The following GRAMD2A variants were observed in gnomAD, a reference collection of about 807,000 sequenced individuals.
GRAMD2A encodes GRAM domain containing 2A.
A neutral mutation model predicts 51.1 loss-of-function variants in GRAMD2A; 37 were observed. The observed-to-expected ratio is 0.72, with a 90% CI of 0.56 to 0.95. The LOEUF is 0.95. Among genes scored for constraint, GRAMD2A ranks in the 40% least tolerant of loss-of-function variants. The pLI is 0.00. For synonymous variants in GRAMD2A, 136 were observed against 157.1 expected, an observed-to-expected ratio of 0.87 and a Z score of 1.01; for missense variants, 414 against 426.9, an observed-to-expected ratio of 0.97 and a Z score of 0.27.
chr15:72,184,500 A>T lies in GRAMD2A; in HGVS notation c.41+13231T>A, dbSNP rs892907904. Among the ~76,000 whole-genome samples the T allele has an allele frequency of 3.3e-5, 5 of 152,190 alleles. No homozygotes were observed. In the South Asian group the frequency reaches 8.3e-4, roughly 25 times the overall value. On this transcript the variant is annotated intron_variant, in intron 1 of 11. Coordinates refer to ENST00000309731, the MANE Select transcript of GRAMD2A (RefSeq NM_001012642.3). Reference sequence around the variant, plus strand: ...GGGAAAAGGAGCGCGCGCCCCTCTGAGCCCCTTCCTGGTGCAGTGCGTGTA... The same window carrying T: ...GGGAAAAGGAGCGCGCGCCCCTCTGTGCCCCTTCCTGGTGCAGTGCGTGTA...
intron 1 of GRAMD2A, among the ~76,000 whole-genome samples, chr15:72,178,633 T>A (rs2081672986): frequency 7.0e-6 from 1 of 141,914 alleles, no homozygotes; most frequent in South Asian, 2.3e-4. Context: ...TGGAGTGCAG[T>A]GGCGCAATCT....
intron 1 of GRAMD2A, among the ~76,000 whole-genome samples, chr15:72,173,410 C>G (rs899532087): frequency 9.2e-5 from 14 of 152,146 alleles, no homozygotes; most frequent in Non-Finnish European, 1.5e-5. Context: ...TCACTCACAG[C>G]ACCCTGATCG....
In GRAMD2A at chr15:72,167,715, GCC is replaced by G. The variant is rs2081563560; in HGVS notation, c.372+19_372+20del. On this transcript the variant is annotated intron_variant, in intron 5 of 11. Transcript: ENST00000309731. ...TGGCTCCCCTCACAGGGTCATGGCA[GCC>G]CTCACCACTCATTACTACCTTGATA... is the stretch of plus-strand genomic sequence containing the variant. 1 of 1,568,176 alleles carries G rather than the reference GCC, an allele frequency of 6.4e-7. No individual in the cohort carries two copies. The highest frequency in any genetic ancestry group is 1.4e-5 in the African/African-American group (1 of 73,994).
chr15:72,168,702 A>G (rs535671337), intron 3 of GRAMD2A, 136 bp from the exon 4 acceptor site: 3 of 787,476 alleles, frequency 3.8e-6, no homozygotes, highest in Non-Finnish European at 6.6e-6. Flanking sequence ...GTAAGCAGCC[A>G]GTGAGTATGG....
chr15:72,189,778 C>T (rs148813372), intron 1 of GRAMD2A, among the ~76,000 whole-genome samples: 14 of 152,176 alleles, frequency 9.2e-5, no homozygotes, highest in East Asian at 3.9e-4. Context: ...AGAATGATAA[C>T]GGGAGGCTCA....
chr15:72,179,486 C>A (rs958501065), intron 1 of GRAMD2A, among the ~76,000 whole-genome samples: 1 of 152,116 alleles, frequency 6.6e-6, no homozygotes, highest in African/African-American at 2.4e-5. Context: ...GGCTCTAGAG[C>A]GAGGGAAGAG....
Position 72,197,777 on chromosome 15 carries a change from C to G in GRAMD2A, c.-6G>C. ...CTCCGGCTTAAAGCGGTCATCCCGG[C>G]GCCTGCACCCAGCGCCCCGACCGCG... is the stretch of plus-strand genomic sequence containing the variant. On this transcript the variant is annotated 5_prime_UTR_variant, in exon 1 of 12. Coordinates refer to ENST00000309731, the MANE Select transcript of GRAMD2A (RefSeq NM_001012642.3). The G allele has an allele frequency of 7.8e-7, 1 of 1,289,912 alleles. No homozygotes were observed. Among genetic ancestry groups the G allele is most frequent in the Non-Finnish European group, 9.9e-7 (1 of 1,011,964 alleles). 79.9% of individuals were successfully genotyped at this position (1,289,912 alleles called of 1,614,324 possible).
In GRAMD2A at chr15:72,168,981, T is replaced by C; in HGVS notation, c.150A>G (p.Glu50=). 6.2e-7 allele frequency: 1 copy of C among 1,614,176 alleles called. No individual in the cohort carries two copies. Among genetic ancestry groups the C allele is most frequent in the Non-Finnish European group, 8.5e-7 (1 of 1,179,994 alleles). The part of the protein sequence containing the change: ...EPPDYSLHWP[E]GLKGEEIKKC... ...TCTTTATCTCTTCACCCTTCAAGCC[T>C]TCTGGCCAGTGCAGACTGCAAAGGA... Residue 50 remains glutamate (E), a synonymous_variant, in exon 3 of 12, where the codon GAA becomes GAG. Transcript: ENST00000309731.
intron 1 of GRAMD2A, among the ~76,000 whole-genome samples, chr15:72,192,753 G>C (rs1252912537): frequency 6.6e-6 from 1 of 152,218 alleles, no homozygotes; most frequent in Non-Finnish European, 1.5e-5. Flanking sequence ...AATAGAGCCA[G>C]CCAAAAACTG....
Position 72,187,458 on chromosome 15 carries a change from A to G in GRAMD2A, c.41+10273T>C, listed in dbSNP as rs574911898. ...GGCAACAGAGCAAGACCCTGTCTCA[A>G]AAAAGAAAAAACAAAAAAGAAAACT... On this transcript the variant is annotated intron_variant, in intron 1 of 11. Transcript: ENST00000309731. 2.0e-5 allele frequency among the ~76,000 whole-genome samples: 3 copies of G among 152,076 alleles called. No homozygotes were observed. The East Asian group carries it at 5.8e-4, about 29-fold the overall frequency.
At chr15:72,162,959 C>G (rs1387270322) in intron 10 of GRAMD2A, 3 of 327,602 alleles carry the variant, frequency 9.2e-6, no homozygotes, top group Non-Finnish European at 1.7e-5. Flanking sequence ...TTTCCTCTCT[C>G]TCTCCAATTT....
intron 1 of GRAMD2A, among the ~76,000 whole-genome samples, chr15:72,183,905 C>T (rs1266608623): frequency 6.6e-6 from 1 of 152,176 alleles, no homozygotes; most frequent in Non-Finnish European, 1.5e-5. Flanking sequence ...TCTCCTGGGC[C>T]GGTGACTGCA....
Position 72,169,895 on chromosome 15 carries a change from A to G in GRAMD2A, c.86T>C (p.Val29Ala), listed in dbSNP as rs1451801242. ...TCTGTCTGGTTTCTCTTTGCAGGACACAGGACTGTTCAGAGAAGCTGTCTT... is the reference window on the plus strand; with the variant it reads ...TCTGTCTGGTTTCTCTTTGCAGGACGCAGGACTGTTCAGAGAAGCTGTCTT... ...HRKTASLNSP[V>A]SCKEKPDRVE... Residue 29 changes from valine to alanine, a missense_variant, in exon 2 of 12, where the codon GTG (valine) becomes GCG (alanine). By Grantham distance (64) the Val-to-Ala change is moderately conservative. Transcript: ENST00000309731. 3 of 1,614,074 alleles carry G rather than the reference A, an allele frequency of 1.9e-6. No homozygotes were observed. The African/African-American group carries it at 4.0e-5, about 22-fold the overall frequency.
intron 1 of GRAMD2A, among the ~76,000 whole-genome samples, chr15:72,183,740 G>A (rs150630348): frequency 6.6e-6 from 1 of 152,340 alleles, no homozygotes; most frequent in African/African-American, 2.4e-5. Flanking sequence ...AGCCAAAGGA[G>A]GGTTTCAAAA....
chr15:72,192,066 T>C (rs1166144573), intron 1 of GRAMD2A, among the ~76,000 whole-genome samples: 3 of 152,228 alleles, frequency 2.0e-5, no homozygotes, highest in Non-Finnish European at 4.4e-5. Flanking sequence ...TTTTAAAGGC[T>C]CTTTTATAGA....
In GRAMD2A at chr15:72,173,932, C is replaced by CT. The variant is rs1487043836; in HGVS notation, c.42-3994dup. On this transcript the variant is annotated intron_variant, in intron 1 of 11. Transcript: ENST00000309731. ...CTGGGCGACGAGAGTGAAATTCTGT[C>CT]TAAAAAAAAAAAAAAAAAAAAAAAA... 2.8e-4 allele frequency: 5 copies of CT among 17,962 alleles called. No individual in the cohort carries two copies. The East Asian group carries it at 4.6e-3, about 17-fold the overall frequency. 1.1% of individuals were successfully genotyped at this position (17,962 alleles called of 1,614,324 possible). A position where few individuals can be genotyped will look rare whatever the true frequency, so the allele number is the denominator to read the frequency against.
intron 1 of GRAMD2A, among the ~76,000 whole-genome samples, chr15:72,189,847 G>A (rs1235644349): frequency 2.0e-5 from 3 of 152,220 alleles, no homozygotes; most frequent in African/African-American, 4.8e-5. Context: ...AGGTCTGTCT[G>A]AAAGCTTAGG....
intron 2 of GRAMD2A, chr15:72,169,477 TC>T: frequency 1.9e-6 from 1 of 526,514 alleles, no homozygotes; most frequent in Non-Finnish European, 3.7e-6. Flanking sequence ...GCCGCCTCCT[TC>T]CTGTGGCCTG....
intron 10 of GRAMD2A, among the ~76,000 whole-genome samples, 168 bp from the exon 11 acceptor site, chr15:72,162,545 G>A (rs1318988355): frequency 1.3e-5 from 2 of 152,200 alleles, no homozygotes; most frequent in African/African-American, 4.8e-5. Context: ...CAGACACCAT[G>A]TAGGGGTCTT....
Sources: allele counts gnomAD v4.1 joint callset (sites outside exome capture counted in the v4.1 genomes callset), GRCh38; gene constraint gnomAD v4.1.1; transcripts MANE v1.5; gene names NCBI Gene and HGNC (gene_info 2026-07-23, HGNC 2026-07-21).